The following GABRA4 variants were observed in gnomAD, a reference collection of about 807,000 sequenced individuals.
The protein encoded by GABRA4 is gamma-aminobutyric acid type A receptor subunit alpha4.
A neutral mutation model predicts 49.7 loss-of-function variants in GABRA4; 12 were observed. The observed-to-expected ratio is 0.24, with a 90% CI of 0.15 to 0.39. The LOEUF (loss-of-function observed/expected upper bound fraction) is 0.39, where lower values mean the gene tolerates loss of function less well. Among genes scored for constraint, GABRA4 ranks in the 10% least tolerant of loss-of-function variants. The pLI is 1.00. For synonymous variants in GABRA4, 288 were observed against 240.2 expected (o/e 1.20, Z -1.84); for missense variants, 506 against 686.0 (o/e 0.74, Z 2.93).
intron 8 of GABRA4, among the ~76,000 whole-genome samples, chr4:46,956,573 T>A (rs1289126053): frequency 6.6e-6 from 1 of 151,972 alleles, no homozygotes; most frequent in Non-Finnish European, 1.5e-5. Context: ...TCCCCCAAAG[T>A]GTCCTCAGTT....
At chr4:46,945,895 A>C (rs1330543267) in intron 8 of GABRA4, among the ~76,000 whole-genome samples, 1 of 152,204 alleles carries the variant, frequency 6.6e-6, no homozygotes, top group East Asian at 1.9e-4. Flanking sequence ...TAAATGCCTC[A>C]CCTTTTTCTA....
intron 8 of GABRA4, among the ~76,000 whole-genome samples, chr4:46,943,161 T>A (rs1414184514): frequency 6.6e-6 from 1 of 152,076 alleles, no homozygotes; most frequent in Non-Finnish European, 1.5e-5. Flanking sequence ...CTAATAGAGG[T>A]ACGAATTTAT....
At chr4:46,989,023 C>T (rs567039336) in intron 2 of GABRA4, among the ~76,000 whole-genome samples, 2 of 152,286 alleles carry the variant, frequency 1.3e-5, no homozygotes, top group South Asian at 4.1e-4. Context: ...TGAAGTCCTA[C>T]TATGTTAGTG....
rs980458269 is a variant in GABRA4 at position 46,923,357 on chromosome 4, A to T, written c.*4868T>A. 6.6e-6 allele frequency: 1 copy of T among 152,054 alleles called. No homozygotes were observed. Among genetic ancestry groups the T allele is most frequent in the African/African-American group, 2.4e-5 (1 of 41,414 alleles). The allele number at this position is 152,054 out of a possible 1,614,324, so 9.4% of individuals were successfully genotyped here. ...TTATCTTGAGATAAAAGTCAATTTA[A>T]TTTTTTATTATTTAATGGCAGCATG... On this transcript the variant is annotated 3_prime_UTR_variant, in exon 9 of 9. Coordinates refer to ENST00000264318, the MANE Select transcript of GABRA4 (RefSeq NM_000809.4).
intron 8 of GABRA4, among the ~76,000 whole-genome samples, chr4:46,952,325 AG>A (rs1401230422): frequency 6.6e-6 from 1 of 152,122 alleles, no homozygotes; most frequent in Middle Eastern, 3.2e-3. Flanking sequence ...TAAAGAATCT[AG>A]GAAGCTAAAA....
chr4:46,930,954 A>T (rs1386365895), intron 8 of GABRA4, among the ~76,000 whole-genome samples: 1 of 151,896 alleles, frequency 6.6e-6, no homozygotes, highest in Non-Finnish European at 1.5e-5. Context: ...AAAGGAAAAA[A>T]CAGAAAAAAA....
intron 7 of GABRA4, among the ~76,000 whole-genome samples, chr4:46,966,077 C>A (rs561104928): frequency 2.6e-5 from 4 of 151,686 alleles, no homozygotes; most frequent in African/African-American, 7.2e-5. Flanking sequence ...CAGAAAAATT[C>A]TCCTTGCCAC....
chr4:46,986,638 C>G (rs1271242484), intron 2 of GABRA4, among the ~76,000 whole-genome samples: 3 of 152,024 alleles, frequency 2.0e-5, no homozygotes, highest in African/African-American at 7.2e-5. Flanking sequence ...TTTTAGATTT[C>G]TAGCTTTAAA....
intron 8 of GABRA4, among the ~76,000 whole-genome samples, chr4:46,961,259 C>A (rs2109369975): frequency 6.6e-6 from 1 of 151,932 alleles, no homozygotes; most frequent in East Asian, 2.0e-4. Flanking sequence ...AATTGCAGGA[C>A]CCTGACCAGT....
At position 46,922,020 on chromosome 4, in the gene GABRA4, G is replaced by A. The variant is rs1414522446; in HGVS notation, c.*6205C>T. 1 of 152,014 alleles carries A rather than the reference G, an allele frequency of 6.6e-6. No homozygotes were observed. Among genetic ancestry groups the A allele is most frequent in the Non-Finnish European group, 1.5e-5 (1 of 67,980 alleles). The allele number at this position is 152,014 out of a possible 1,614,324, so 9.4% of individuals were successfully genotyped here. ...ATAGAGTGTAAACAGGCAAGAAAAA[G>A]ACAAAATCTGTCTTCATACGATTTT... On this transcript the variant is annotated 3_prime_UTR_variant, in exon 9 of 9. Coordinates refer to ENST00000264318, the MANE Select transcript of GABRA4 (RefSeq NM_000809.4).
rs1203438680 is a variant in GABRA4 at position 46,928,759 on chromosome 4, A to G, written c.1135-4T>C. 3.1e-6 allele frequency: 5 copies of G among 1,591,304 alleles called. No individual in the cohort carries two copies. The highest frequency in any genetic ancestry group is 4.3e-6 in the Non-Finnish European group (5 of 1,163,172). ...TGTTCAAATTGGCATTTGTATTCTG[A>G]AAAGGTATATGAAAAAATATATTGG... On this transcript the variant is annotated splice_polypyrimidine_tract_variant and splice_region_variant and intron_variant, in intron 8 of 8. Transcript: ENST00000264318.
chr4:46,951,522 TA>T (rs1407748146), intron 8 of GABRA4, among the ~76,000 whole-genome samples: 4 of 151,802 alleles, frequency 2.6e-5, no homozygotes, highest in Non-Finnish European at 5.9e-5. Context: ...ACTTTGTAAT[TA>T]AAGAGTTGAC....
At chr4:46,967,942 G>A (rs1490568749) in intron 7 of GABRA4, among the ~76,000 whole-genome samples, 1 of 151,494 alleles carries the variant, frequency 6.6e-6, no homozygotes, top group Non-Finnish European at 1.5e-5. Context: ...TTACTATACT[G>A]GAATAATTAG....
chr4:46,953,641 A>G (rs1008286793), intron 8 of GABRA4, among the ~76,000 whole-genome samples: 1 of 152,224 alleles, frequency 6.6e-6, no homozygotes, highest in Non-Finnish European at 1.5e-5. Flanking sequence ...CAAAATCCAC[A>G]TGTATTTTAT....
intron 8 of GABRA4, among the ~76,000 whole-genome samples, chr4:46,955,914 A>G (rs922485375): frequency 6.6e-6 from 1 of 152,102 alleles, no homozygotes; most frequent in Non-Finnish European, 1.5e-5. Context: ...TTTGTCTTTG[A>G]ATCCTCAGTG....
At chr4:46,982,060 C>A (rs866496904) in intron 2 of GABRA4, among the ~76,000 whole-genome samples, 5 of 152,010 alleles carry the variant, frequency 3.3e-5, no homozygotes, top group Non-Finnish European at 7.4e-5. Context: ...GAACACCTAC[C>A]CCTGAACTCG....
intron 2 of GABRA4, among the ~76,000 whole-genome samples, chr4:46,985,180 T>C (rs537043026): frequency 6.6e-6 from 1 of 152,104 alleles, no homozygotes; most frequent in African/African-American, 2.4e-5. Context: ...TATAGCAAGT[T>C]CAAAACAATT....
At chr4:46,945,387 A>C (rs1721948813) in intron 8 of GABRA4, among the ~76,000 whole-genome samples, 1 of 152,144 alleles carries the variant, frequency 6.6e-6, no homozygotes, top group Admixed American at 6.6e-5. Flanking sequence ...CATGGACACC[A>C]ACCTGCCTCT....
At chr4:46,985,858 C>T (rs181523542) in intron 2 of GABRA4, among the ~76,000 whole-genome samples, 59 of 151,646 alleles carry the variant, frequency 3.9e-4, no homozygotes, top group Admixed American at 9.2e-4. Flanking sequence ...TTCTAAAAGA[C>T]GTATTTCTTT....
Sources: gnomAD v4.1 joint callset for allele counts (sites outside exome capture counted in the v4.1 genomes callset) on GRCh38, gnomAD v4.1.1 for gene constraint, MANE v1.5 for transcripts, NCBI Gene and HGNC (gene_info 2026-07-23, HGNC 2026-07-21) for gene names.